OR7A10: variants seen among roughly 807,000 people sequenced by gnomAD.
OR7A10 encodes olfactory receptor 7A10.
For synonymous variants in OR7A10, 144 were observed against 144.5 expected, an observed-to-expected ratio of 1.00 and a Z score of 0.02; for missense variants, 358 against 370.1, an observed-to-expected ratio of 0.97 and a Z score of 0.27.
rs2044908298 is a variant in OR7A10, at chr19:14,841,080, G to A, written c.798C>T (p.His266=). The change falls in exon 2 of 2, where the codon CAC becomes CAT. Residue 266 remains histidine (H), a synonymous_variant. Coordinates refer to ENST00000641129, the MANE Select transcript of OR7A10 (RefSeq NM_001005190.2). ...LGVYLSSAAT[H]NSHTGAAASV... is the part of the protein sequence containing the mutation. ...AGGCTGCAGCACCTGTGTGTGAATTGTGGGTGGCAGCAGAACTAAGGTACA... is the reference window on the plus strand; with the variant it reads ...AGGCTGCAGCACCTGTGTGTGAATTATGGGTGGCAGCAGAACTAAGGTACA... 4.3e-6 allele frequency: 7 copies of A among 1,614,086 alleles called. No homozygotes were observed. The highest frequency in any genetic ancestry group is 5.9e-6 in the Non-Finnish European group (7 of 1,179,984).
At chr19:14,847,362 T>A (rs2044947614) in intron 1 of OR7A10, among the ~76,000 whole-genome samples, 1 of 152,224 alleles carries the variant, frequency 6.6e-6, no homozygotes, top group Non-Finnish European at 1.5e-5. Context: ...AATAAAATTT[T>A]AATTCATTTG....
At chr19:14,847,040 T>G (rs141977531) in intron 1 of OR7A10, among the ~76,000 whole-genome samples, 143 of 152,272 alleles carry the variant, frequency 9.4e-4, no homozygotes, top group African/African-American at 3.3e-3. Flanking sequence ...TCAAATACAT[T>G]GAAACTTACA....
chr19:14,842,330 C>T (rs2044919872), intron 1 of OR7A10, among the ~76,000 whole-genome samples: 1 of 152,248 alleles, frequency 6.6e-6, no homozygotes, highest in South Asian at 2.1e-4. Context: ...TAACTCATTG[C>T]AACCTCTGTC....
At position 14,841,257 on chromosome 19, in the gene OR7A10, G is replaced by T; in HGVS notation, c.621C>A (p.Gly207=). 6.2e-6 allele frequency: 10 copies of T among 1,614,174 alleles called. No homozygotes were observed. Among genetic ancestry groups the T allele is most frequent in the Non-Finnish European group, 8.5e-6 (10 of 1,180,032 alleles). The change falls in exon 2 of 2, where the codon GGC becomes GGA. Residue 207 remains glycine (G), a synonymous_variant. Coordinates refer to ENST00000641129, the MANE Select transcript of OR7A10 (RefSeq NM_001005190.2). ...IVMYFAVALL[G]GGPLTGILYS... ...ACAGGATCCCAGTGAGGGGACCACC[G>T]CCCAGCAGCGCTACTGCAAAATACA... is the stretch of plus-strand genomic sequence containing the variant.
intron 1 of OR7A10, among the ~76,000 whole-genome samples, chr19:14,844,824 G>A (rs538552572): frequency 3.3e-5 from 5 of 151,194 alleles, no homozygotes; most frequent in African/African-American, 9.7e-5. Flanking sequence ...TACCACACCC[G>A]GCTAATTTTT....
chr19:14,843,918 C>T (rs560862855), intron 1 of OR7A10, among the ~76,000 whole-genome samples: 5 of 151,998 alleles, frequency 3.3e-5, no homozygotes, highest in Non-Finnish European at 7.4e-5. Flanking sequence ...GTCGGGGGTA[C>T]GGGATAAGGG....
chr19:14,841,095 A>G lies in OR7A10; in HGVS notation c.783T>C (p.Ser261=). The G allele has an allele frequency of 6.2e-7, 1 of 1,614,098 alleles. No homozygotes were observed. The highest frequency in any genetic ancestry group is 1.1e-5 in the South Asian group (1 of 91,074). The change falls in exon 2 of 2, where the codon AGT becomes AGC. Residue 261 remains serine, a synonymous_variant. Transcript: ENST00000641129. Reference sequence around the variant, plus strand: ...TGTGTGAATTGTGGGTGGCAGCAGAACTAAGGTACACCCCTAAGCATGTAC... The same window carrying G: ...TGTGTGAATTGTGGGTGGCAGCAGAGCTAAGGTACACCCCTAAGCATGTAC... The part of the protein sequence containing the change: ...FYGTCLGVYL[S]SAATHNSHTG...
At chr19:14,845,922 G>A (rs986748948) in intron 1 of OR7A10, among the ~76,000 whole-genome samples, 1 of 152,120 alleles carries the variant, frequency 6.6e-6, no homozygotes, top group Non-Finnish European at 1.5e-5. Flanking sequence ...GTGGGAGGCC[G>A]AAGCGAGCGG....
At chr19:14,847,625 C>T (rs2145099309) in intron 1 of OR7A10, among the ~76,000 whole-genome samples, 1 of 152,216 alleles carries the variant, frequency 6.6e-6, no homozygotes, top group Middle Eastern at 3.4e-3. Context: ...ATCCTCCTGC[C>T]TCAGCCTCCC....
chr19:14,843,336 C>A (rs1568258521), intron 1 of OR7A10, among the ~76,000 whole-genome samples: 1 of 152,214 alleles, frequency 6.6e-6, no homozygotes, highest in Non-Finnish European at 1.5e-5. Context: ...ATGGCAAAAT[C>A]TAGCTAATTA....
rs141373725 is a variant in OR7A10 at position 14,841,894 on chromosome 19, CAGAGAGAGAG to C, written c.-12-15_-12-6del. 3.5e-4 allele frequency: 455 copies of C among 1,295,974 alleles called. 1 individual carries two copies. The highest frequency in any genetic ancestry group is 9.9e-4 in the Admixed American group (52 of 52,316). 80.3% of individuals were successfully genotyped at this position (1,295,974 alleles called of 1,614,324 possible). A position where few individuals can be genotyped will look rare whatever the true frequency, so the allele number is the denominator to read the frequency against. Reference sequence around the variant, plus strand: ...TGATTTCATCTTGTGATGTGACTACCAGAGAGAGAGAGAGAGAGAGAGAGAGAGTGAAAGA... The same window carrying C: ...TGATTTCATCTTGTGATGTGACTACCAGAGAGAGAGAGAGAGAGTGAAAGA... On this transcript the variant is annotated splice_polypyrimidine_tract_variant and splice_region_variant and intron_variant, in intron 1 of 1. Transcript: ENST00000641129.
intron 1 of OR7A10, among the ~76,000 whole-genome samples, chr19:14,846,243 A>C (rs2044942146): frequency 6.6e-6 from 1 of 152,196 alleles, no homozygotes; most frequent in African/African-American, 2.4e-5. Context: ...ACTAAAATAT[A>C]GCATATTTGT....
chr19:14,845,512 T>G (rs2044938465), intron 1 of OR7A10, among the ~76,000 whole-genome samples: 1 of 151,848 alleles, frequency 6.6e-6, no homozygotes, highest in African/African-American at 2.4e-5. Context: ...GTGATATATA[T>G]GAATTTTGCT....
chr19:14,847,918 A>G (rs936119965), intron 1 of OR7A10, among the ~76,000 whole-genome samples: 2 of 151,638 alleles, frequency 1.3e-5, no homozygotes, highest in Admixed American at 6.6e-5. Flanking sequence ...AGGTTAAGAG[A>G]TTGAGACCAT....
chr19:14,843,861 A>G (rs145063017), intron 1 of OR7A10, among the ~76,000 whole-genome samples: 1 of 152,302 alleles, frequency 6.6e-6, no homozygotes, highest in Non-Finnish European at 1.5e-5. Flanking sequence ...GAGTCGAACA[A>G]TGAGAACACA....
chr19:14,848,413 G>A (rs148876693), intron 1 of OR7A10, 87 bp downstream of exon 1: 61 of 152,340 alleles, frequency 4.0e-4, no homozygotes, highest in African/African-American at 1.4e-3. Context: ...CTCTGTTGCA[G>A]CTAGGATTGG....
chr19:14,844,814 T>C (rs969998203), intron 1 of OR7A10, among the ~76,000 whole-genome samples: 4 of 151,356 alleles, frequency 2.6e-5, no homozygotes, highest in African/African-American at 4.9e-5. Flanking sequence ...AGGCGCCTGC[T>C]ACCACACCCG....
chr19:14,843,928 G>A lies in OR7A10; in HGVS notation c.-12-2039C>T, dbSNP rs2044927819. Among the ~76,000 whole-genome samples, 6 of 152,212 alleles carry A rather than the reference G, an allele frequency of 3.9e-5. No individual in the cohort carries two copies. The South Asian group carries it at 1.2e-3, about 32-fold the overall frequency. On this transcript the variant is annotated intron_variant, in intron 1 of 1. Transcript: ENST00000641129. ...GGACTGTCGGGGGTACGGGATAAGG[G>A]GAGGGAGAGTATTAGAACAAACACC... is the stretch of plus-strand genomic sequence containing the variant.
chr19:14,844,990 C>T (rs932954271), intron 1 of OR7A10, among the ~76,000 whole-genome samples: 1 of 150,674 alleles, frequency 6.6e-6, no homozygotes, highest in Non-Finnish European at 1.5e-5. Context: ...TTACAAGTTG[C>T]CTTTTGGAAT....
Sources: allele counts gnomAD v4.1 joint callset (sites outside exome capture counted in the v4.1 genomes callset), GRCh38; gene constraint gnomAD v4.1.1; transcripts MANE v1.5; gene names NCBI Gene and HGNC (gene_info 2026-07-23, HGNC 2026-07-21).